The following CCDC149 variants were observed in gnomAD, a reference collection of about 807,000 sequenced individuals.
CCDC149 encodes the protein coiled-coil domain containing 149.
A neutral mutation model predicts 59.9 loss-of-function variants in CCDC149; 45 were observed. The observed-to-expected ratio is 0.75, with a 90% CI of 0.59 to 0.96. The LOEUF is 0.96. CCDC149 is among the 40% of genes least tolerant of loss of function. CCDC149 has a pLI of 0.00. For synonymous variants in CCDC149, 245 were observed against 260.6 expected (o/e 0.94, Z 0.58); for missense variants, 584 against 664.7 (o/e 0.88, Z 1.33).
intron 1 of CCDC149, among the ~76,000 whole-genome samples, chr4:24,929,088 T>C (rs1722514508): frequency 6.6e-6 from 1 of 152,178 alleles, no homozygotes; most frequent in South Asian, 2.1e-4. Flanking sequence ...TATGGAAATC[T>C]AGCCTCTACA....
chr4:24,901,718 A>T (rs1721184462), intron 1 of CCDC149, among the ~76,000 whole-genome samples: 1 of 152,196 alleles, frequency 6.6e-6, no homozygotes, highest in African/African-American at 2.4e-5. Flanking sequence ...AATGATGCAC[A>T]GTTCTGAACA....
At chr4:24,810,265 C>A (rs868016414) in intron 12 of CCDC149, among the ~76,000 whole-genome samples, 23 of 152,336 alleles carry the variant, frequency 1.5e-4, no homozygotes, top group Admixed American at 1.3e-3. Flanking sequence ...GTGTCTGACA[C>A]ATTCTAAGCA....
intron 8 of CCDC149, among the ~76,000 whole-genome samples, chr4:24,834,531 C>T (rs1277505902): frequency 1.3e-5 from 2 of 152,072 alleles, no homozygotes; most frequent in African/African-American, 2.4e-5. Flanking sequence ...GAGGTCAAAA[C>T]GCACCCTTGG....
rs1325833478 is a variant in CCDC149, at chr4:24,837,706, A to G, written c.490-306T>C. Among the ~76,000 whole-genome samples, 1 of 152,126 alleles carries G rather than the reference A, an allele frequency of 6.6e-6. No homozygotes were observed. Among genetic ancestry groups the G allele is most frequent in the East Asian group, 1.9e-4 (1 of 5,186 alleles). On this transcript the variant is annotated intron_variant, in intron 5 of 12. Coordinates refer to ENST00000635206, the MANE Select transcript of CCDC149 (RefSeq NM_001330643.2). This position sits in a 1 kb window ranked among gnomAD's most constrained non-coding sequence, Gnocchi z 4.3. ...TGTCTTACAAATCCATACTTTTTCA[A>G]ATCCACTCTAGACCCAGAAATCTTG...
intron 1 of CCDC149, among the ~76,000 whole-genome samples, chr4:24,904,939 T>C (rs1395846602): frequency 6.6e-6 from 1 of 152,208 alleles, no homozygotes; most frequent in Non-Finnish European, 1.5e-5. Flanking sequence ...TCGCACTCTG[T>C]CGCCCAGGCT....
chr4:24,889,781 G>C (rs1720421285), intron 1 of CCDC149, among the ~76,000 whole-genome samples: 1 of 152,274 alleles, frequency 6.6e-6, no homozygotes, highest in South Asian at 2.1e-4. Flanking sequence ...TGGTCAGACT[G>C]ACTTTAAAAG....
chr4:24,890,959 C>G (rs1318376067), intron 1 of CCDC149, among the ~76,000 whole-genome samples: 3 of 152,230 alleles, frequency 2.0e-5, no homozygotes, highest in Admixed American at 6.5e-5. Flanking sequence ...TCAGAGTCAT[C>G]GCTAAAGGGC....
intron 1 of CCDC149, among the ~76,000 whole-genome samples, chr4:24,898,595 C>A (rs1720980402): frequency 6.6e-6 from 1 of 152,132 alleles, no homozygotes; most frequent in Non-Finnish European, 1.5e-5. Flanking sequence ...CTTATTCCCT[C>A]CCTTCTACAA....
At chr4:24,805,922 T>C (rs372131279), downstream of CCDC149, among the ~76,000 whole-genome samples, 75 of 152,320 alleles carry the variant, frequency 4.9e-4, no homozygotes, top group South Asian at 5.6e-3. Context: ...CTTTCTTGAA[T>C]GTATAGCCCT....
At chr4:24,819,771 G>T in intron 12 of CCDC149, 88 bp downstream of exon 12, 2 of 902,074 alleles carry the variant, frequency 2.2e-6, no homozygotes, top group South Asian at 1.4e-5. Context: ...CAGCACAAAG[G>T]GGAAGGGGAA....
At chr4:24,906,904 TACTAG>T (rs1274143359) in intron 1 of CCDC149, among the ~76,000 whole-genome samples, 1 of 152,114 alleles carries the variant, frequency 6.6e-6, no homozygotes, top group Non-Finnish European at 1.5e-5. Flanking sequence ...AAGGGCAAGA[TACTAG>T]ACTAAATTAG....
intron 1 of CCDC149, among the ~76,000 whole-genome samples, chr4:24,894,042 G>A (rs1720698883): frequency 6.6e-6 from 1 of 152,152 alleles, no homozygotes; most frequent in Non-Finnish European, 1.5e-5. Context: ...CAGAATCAGA[G>A]AAACCTGGAG....
chr4:24,891,316 G>T (rs1391851210), intron 1 of CCDC149, among the ~76,000 whole-genome samples: 5 of 152,158 alleles, frequency 3.3e-5, no homozygotes, highest in Non-Finnish European at 2.9e-5. Flanking sequence ...TGCTCAAGGT[G>T]GGGACTCCAT....
intron 4 of CCDC149, among the ~76,000 whole-genome samples, chr4:24,850,277 T>A (rs1273390678): frequency 1.3e-5 from 2 of 152,220 alleles, no homozygotes; most frequent in Non-Finnish European, 1.5e-5. Context: ...CTAAGAATGC[T>A]AATTTATAGG....
chr4:24,922,289 G>T (rs770455421), intron 1 of CCDC149, among the ~76,000 whole-genome samples: 11 of 152,080 alleles, frequency 7.2e-5, no homozygotes, highest in Non-Finnish European at 1.6e-4. Flanking sequence ...AGTTAATTAG[G>T]CATTTACATA....
At chr4:24,815,839 C>T (rs779725526) in intron 12 of CCDC149, among the ~76,000 whole-genome samples, 6 of 152,084 alleles carry the variant, frequency 3.9e-5, no homozygotes, top group African/African-American at 7.2e-5. Context: ...ACTTTTTAAG[C>T]AGTGGGTGCA....
At chr4:24,894,616 A>T (rs1158284586) in intron 1 of CCDC149, among the ~76,000 whole-genome samples, 1 of 152,004 alleles carries the variant, frequency 6.6e-6, no homozygotes, top group Non-Finnish European at 1.5e-5. Flanking sequence ...CTCCTCTTTA[A>T]GAAGAAGTTG....
At chr4:24,939,751 C>A (rs1268284380) in intron 1 of CCDC149, among the ~76,000 whole-genome samples, 2 of 152,098 alleles carry the variant, frequency 1.3e-5, no homozygotes, top group Non-Finnish European at 2.9e-5. Context: ...GACGAACGCA[C>A]AAGCCTCAGT....
upstream of CCDC149, among the ~76,000 whole-genome samples, chr4:24,915,016 A>G (rs1577483407): frequency 6.6e-6 from 1 of 152,202 alleles, no homozygotes; most frequent in East Asian, 1.9e-4. Context: ...GGGCTTGCAA[A>G]CTAAGGTGCT....
Sources: gnomAD v4.1 joint callset for allele counts (sites outside exome capture counted in the v4.1 genomes callset) on GRCh38, gnomAD v4.1.1 for gene constraint, Gnocchi (gnomAD v3.1) non-coding constraint, MANE v1.5 for transcripts, NCBI Gene and HGNC (gene_info 2026-07-23, HGNC 2026-07-21) for gene names.